CHD1: variants seen among roughly 807,000 people sequenced by gnomAD.
CHD1 encodes ATP-dependent chromatin remodeler CHD1.
A neutral mutation model predicts 224.2 loss-of-function variants in CHD1; 36 were observed. The observed-to-expected ratio is 0.16, with a 90% CI of 0.12 to 0.21. The LOEUF is 0.21. Ranked by LOEUF, CHD1 falls within the 10% of genes least tolerant of loss-of-function variation. The pLI, the probability that CHD1 is intolerant of heterozygous loss-of-function variation, is 1.00. For missense variants in CHD1, 1,378 were observed against 1,994.8 expected, an observed-to-expected ratio of 0.69 and a Z score of 5.89; for synonymous variants, 668 against 658.3, an observed-to-expected ratio of 1.01 and a Z score of -0.23.
chr5:98,868,300 C>G (rs943619794), intron 31 of CHD1, among the ~76,000 whole-genome samples, 195 bp downstream of exon 31: 4 of 146,038 alleles, frequency 2.7e-5, no homozygotes, highest in African/African-American at 1.0e-4. Flanking sequence ...GAACTCCAGC[C>G]TGGGCGACAG....
At chr5:98,892,492 G>T in intron 15 of CHD1, 33 bp downstream of exon 15, 1 of 1,501,510 alleles carries the variant, frequency 6.7e-7, no homozygotes, top group Non-Finnish European at 9.1e-7. Flanking sequence ...TTCAGAATTA[G>T]AAGTTCAGAA....
At chr5:98,900,556 CG>C (rs1482169096) in intron 7 of CHD1, among the ~76,000 whole-genome samples, 1 of 151,384 alleles carries the variant, frequency 6.6e-6, no homozygotes, top group Non-Finnish European at 1.5e-5. Flanking sequence ...TCCCTTGCCT[CG>C]GCTTCCCAAG....
chr5:98,916,513 C>T (rs1752743026), intron 2 of CHD1, among the ~76,000 whole-genome samples: 1 of 139,406 alleles, frequency 7.2e-6, no homozygotes, highest in Non-Finnish European at 1.5e-5. Flanking sequence ...ACATTGCACT[C>T]CAGTCTGGGC....
chr5:98,856,794 T>TA, intron 35 of CHD1, 69 bp from the exon 36 acceptor site: 1 of 946,548 alleles, frequency 1.1e-6, no homozygotes, highest in South Asian at 1.7e-5. Context: ...AAAAGATAAC[T>TA]AAAAAACATA....
chr5:98,882,698 G>A (rs977213601), intron 19 of CHD1, among the ~76,000 whole-genome samples: 4 of 152,112 alleles, frequency 2.6e-5, no homozygotes, highest in African/African-American at 7.2e-5. Context: ...ATGGGGTCAC[G>A]TTTACATGTG....
intron 30 of CHD1, chr5:98,868,964 A>C (rs2112298703): frequency 3.8e-6 from 3 of 785,684 alleles, no homozygotes; most frequent in South Asian, 5.9e-5. Flanking sequence ...CTAAAATGTA[A>C]ATATGCTGAT....
In CHD1 at chr5:98,855,479, T is replaced by C. The variant is rs1337223547; in HGVS notation, c.*901A>G. ...CAGAGCATGCAGTTTAGATTTTACA[T>C]ATCTCGCCATTTTTTAAAACTACAA... is the stretch of plus-strand genomic sequence containing the variant. On this transcript the variant is annotated 3_prime_UTR_variant, in exon 36 of 36. Coordinates refer to ENST00000614616, the MANE Select transcript of CHD1 (RefSeq NM_001270.4). The C allele has an allele frequency of 6.6e-6, 1 of 152,360 alleles. No individual in the cohort carries two copies. The highest frequency in any genetic ancestry group is 1.9e-4 in the East Asian group (1 of 5,190). The allele number at this position is 152,360 out of a possible 1,614,324, so 9.4% of individuals were successfully genotyped here.
chr5:98,923,581 A>T (rs1753249778), intron 2 of CHD1, among the ~76,000 whole-genome samples: 1 of 151,612 alleles, frequency 6.6e-6, no homozygotes, highest in African/African-American at 2.4e-5. Flanking sequence ...CACCCAGCTC[A>T]TTTTGTATTT....
chr5:98,900,586 C>T lies in CHD1; in HGVS notation c.859+225G>A, dbSNP rs114021380. On this transcript the variant is annotated intron_variant, in intron 7 of 35. Coordinates refer to ENST00000614616, the MANE Select transcript of CHD1 (RefSeq NM_001270.4). ...TCCCAAGTAGCTGGGACTACAGGTGCGCACCACCTCACCTAGCTAATCTTT... is the reference window on the plus strand; with the variant it reads ...TCCCAAGTAGCTGGGACTACAGGTGTGCACCACCTCACCTAGCTAATCTTT... Among the ~76,000 whole-genome samples the T allele has an allele frequency of 9.2e-3, 1,399 of 151,788 alleles. 16 individuals carry two copies. Among genetic ancestry groups the T allele is most frequent in the South Asian group, 0.025 (122 of 4,804 alleles).
At chr5:98,873,829 G>T in intron 25 of CHD1, 106 bp from the exon 26 acceptor site, 1 of 980,000 alleles carries the variant, frequency 1.0e-6, no homozygotes, top group Non-Finnish European at 1.5e-6. Context: ...TCTACTGCAT[G>T]CTCTATATAT....
intron 2 of CHD1, among the ~76,000 whole-genome samples, chr5:98,915,920 C>T (rs566494937): frequency 9.2e-5 from 14 of 152,262 alleles, no homozygotes; most frequent in South Asian, 4.1e-4. Flanking sequence ...TGGCTGGGCG[C>T]GGTGGCTCAC....
chr5:98,924,200 G>A (rs1306223922), intron 2 of CHD1, among the ~76,000 whole-genome samples: 3 of 151,772 alleles, frequency 2.0e-5, no homozygotes, highest in Admixed American at 1.3e-4. Flanking sequence ...GCAGTGAGCT[G>A]AGACTACACA....
intron 2 of CHD1, among the ~76,000 whole-genome samples, chr5:98,918,498 G>A (rs576263341): frequency 6.6e-6 from 1 of 151,030 alleles, no homozygotes; most frequent in Non-Finnish European, 1.5e-5. Flanking sequence ...AGCCGGGCGC[G>A]GGAGCTCACA....
rs1753658991 is a variant in CHD1, at chr5:98,928,564, G to T, written c.-174C>A. 6.6e-6 allele frequency: 1 copy of T among 151,730 alleles called. No individual in the cohort carries two copies. The highest frequency in any genetic ancestry group is 1.5e-5 in the Non-Finnish European group (1 of 67,932). 9.4% of individuals were successfully genotyped at this position (151,730 alleles called of 1,614,324 possible). On this transcript the variant is annotated 5_prime_UTR_variant, in exon 1 of 36. Coordinates refer to ENST00000614616, the MANE Select transcript of CHD1 (RefSeq NM_001270.4). ...CGGCGGGCTTGGCGGGGCGGAGGGA[G>T]CCGACTCGGGTGGACGGCCTCCCCC...
intron 17 of CHD1, among the ~76,000 whole-genome samples, chr5:98,887,675 A>G (rs552022906): frequency 4.6e-5 from 7 of 152,290 alleles, no homozygotes; most frequent in African/African-American, 1.2e-4. Flanking sequence ...CCTGTGTCAG[A>G]TAACTATGAG....
chr5:98,859,851 A>C (rs926592497), intron 33 of CHD1, 121 bp downstream of exon 33: 4 of 543,542 alleles, frequency 7.4e-6, no homozygotes, highest in Non-Finnish European at 1.3e-5. Context: ...GTGGTGTTCA[A>C]TGGTGATTTT....
At chr5:98,916,630 A>C (rs770695267) in intron 2 of CHD1, among the ~76,000 whole-genome samples, 88 of 152,126 alleles carry the variant, frequency 5.8e-4, no homozygotes, top group Non-Finnish European at 5.9e-4. Context: ...CAAAAAAATG[A>C]AGTTACCAGC....
intron 30 of CHD1, chr5:98,868,936 G>A (rs1749110285): frequency 3.2e-6 from 2 of 634,640 alleles, no homozygotes; most frequent in South Asian, 1.4e-4. Context: ...AATAAGGGCT[G>A]ATATGCAATT....
intron 15 of CHD1, 90 bp downstream of exon 15, chr5:98,892,435 G>A: frequency 1.2e-6 from 1 of 865,890 alleles, no homozygotes; most frequent in Non-Finnish European, 1.8e-6. Flanking sequence ...AGACACTATT[G>A]TAGAGAAGGT....
Sources: allele counts gnomAD v4.1 joint callset (sites outside exome capture counted in the v4.1 genomes callset), GRCh38; gene constraint gnomAD v4.1.1; transcripts MANE v1.5; gene names NCBI Gene and HGNC (gene_info 2026-07-23, HGNC 2026-07-21).